The following ADGRB3 variants were observed in gnomAD, a reference collection of about 807,000 sequenced individuals.
ADGRB3 encodes adhesion G protein-coupled receptor B3, also known as brain-specific angiogenesis inhibitor 3.
A neutral mutation model predicts 193.4 loss-of-function variants in ADGRB3; 37 were observed. The ratio of observed to expected loss-of-function variants is 0.19; its 90% CI spans 0.15 to 0.25. The LOEUF (loss-of-function observed/expected upper bound fraction) is 0.25. Among genes scored for constraint, ADGRB3 ranks in the 10% least tolerant of loss-of-function variants. The pLI, the probability that ADGRB3 is intolerant of heterozygous loss-of-function variation, is 1.00. For missense variants in ADGRB3, 1,637 were observed against 1,852.9 expected, an observed-to-expected ratio of 0.88 and a Z score of 2.14; for synonymous variants, 690 against 644.2, an observed-to-expected ratio of 1.07 and a Z score of -1.08.
At chr6:69,025,083 C>G (rs1770389790) in intron 13 of ADGRB3, among the ~76,000 whole-genome samples, 1 of 127,694 alleles carries the variant, frequency 7.8e-6, no homozygotes, top group Non-Finnish European at 1.6e-5. Flanking sequence ...CAGAGCGAGA[C>G]TCCGTCTCAA....
chr6:68,940,943 T>G (rs923081902), intron 5 of ADGRB3, among the ~76,000 whole-genome samples: 2 of 152,192 alleles, frequency 1.3e-5, no homozygotes, highest in African/African-American at 4.8e-5. Context: ...CAGCTCAATC[T>G]AAATCACGAG....
intron 3 of ADGRB3, among the ~76,000 whole-genome samples, chr6:68,914,677 A>G (rs986689735): frequency 2.0e-5 from 3 of 152,228 alleles, no homozygotes; most frequent in African/African-American, 7.2e-5. Flanking sequence ...TGACAGGATC[A>G]AATTCATCTT....
intron 20 of ADGRB3, among the ~76,000 whole-genome samples, chr6:69,292,444 C>T (rs1767707653): frequency 6.6e-6 from 1 of 152,120 alleles, no homozygotes; most frequent in Admixed American, 6.5e-5. Flanking sequence ...AGTTCCTGAA[C>T]TAGATAAAGT....
At chr6:69,085,150 A>C (rs1772511048) in intron 17 of ADGRB3, among the ~76,000 whole-genome samples, 1 of 152,132 alleles carries the variant, frequency 6.6e-6, no homozygotes, top group Non-Finnish European at 1.5e-5. Flanking sequence ...AGCTCTCATC[A>C]GTGTCTCTAC....
chr6:69,168,100 T>C (rs887956689), intron 17 of ADGRB3, among the ~76,000 whole-genome samples: 13 of 152,170 alleles, frequency 8.5e-5, no homozygotes, highest in Non-Finnish European at 1.9e-4. Flanking sequence ...AAAAGAAATT[T>C]ACACATTGTT....
At chr6:68,888,660 T>TA (rs1277779312) in intron 3 of ADGRB3, among the ~76,000 whole-genome samples, 1 of 151,360 alleles carries the variant, frequency 6.6e-6, no homozygotes, top group African/African-American at 2.4e-5. Context: ...TGAGAGATAA[T>TA]AAATGCAATG....
chr6:69,263,106 T>G (rs1380430921), intron 20 of ADGRB3, among the ~76,000 whole-genome samples: 4 of 152,006 alleles, frequency 2.6e-5, no homozygotes, highest in African/African-American at 9.7e-5. Context: ...AAAGTGGCTC[T>G]CAAGAGATAT....
At chr6:69,387,592 G>GT (rs1477635601) in intron 31 of ADGRB3, among the ~76,000 whole-genome samples, 2 of 152,014 alleles carry the variant, frequency 1.3e-5, no homozygotes, top group African/African-American at 4.8e-5. Flanking sequence ...TTGGTTTTGG[G>GT]TTTTTTTATG....
rs376426069 is a variant in ADGRB3, at chr6:68,974,759, G to A, written c.1526-4G>A. On this transcript the variant is annotated splice_polypyrimidine_tract_variant and splice_region_variant and intron_variant, in intron 8 of 31. Coordinates refer to ENST00000370598, the MANE Select transcript of ADGRB3 (RefSeq NM_001704.3). Reference sequence around the variant, plus strand: ...CATTCAAGTCCCTTTGTTTAAAATTGCAGCACCTTATGAAATATGCCCTGA... The same window carrying A: ...CATTCAAGTCCCTTTGTTTAAAATTACAGCACCTTATGAAATATGCCCTGA... 122 of 1,612,906 alleles carry A rather than the reference G, an allele frequency of 7.6e-5. No individual in the cohort carries two copies. Among genetic ancestry groups the A allele is most frequent in the Non-Finnish European group, 9.8e-5 (115 of 1,179,350 alleles).
At chr6:69,100,669 G>A (rs1208922717) in intron 17 of ADGRB3, among the ~76,000 whole-genome samples, 1 of 151,666 alleles carries the variant, frequency 6.6e-6, no homozygotes, top group East Asian at 1.9e-4. Context: ...ATTGCTAGAA[G>A]TTTTTCAAAA....
At chr6:69,266,575 T>G (rs1238357749) in intron 20 of ADGRB3, among the ~76,000 whole-genome samples, 1 of 152,068 alleles carries the variant, frequency 6.6e-6, no homozygotes, top group Non-Finnish European at 1.5e-5. Context: ...TTCAATGTTA[T>G]AGTTTAGTAA....
chr6:68,801,244 T>C (rs1767304884), intron 3 of ADGRB3, among the ~76,000 whole-genome samples: 1 of 152,224 alleles, frequency 6.6e-6, no homozygotes, highest in South Asian at 2.1e-4. Context: ...TTCTCTTTCC[T>C]ACTTAGTGTC....
intron 3 of ADGRB3, among the ~76,000 whole-genome samples, chr6:68,848,338 C>T (rs1234669360): frequency 6.6e-6 from 1 of 152,024 alleles, no homozygotes; most frequent in Non-Finnish European, 1.5e-5. Flanking sequence ...ACAATAGCAA[C>T]TTCCCATCTA....
At chr6:69,236,978 G>A (rs1178316470) in intron 19 of ADGRB3, among the ~76,000 whole-genome samples, 3 of 151,878 alleles carry the variant, frequency 2.0e-5, no homozygotes, top group Non-Finnish European at 2.9e-5. Flanking sequence ...TCTACAAATA[G>A]AATTGAAATA....
chr6:68,929,190 C>T (rs1008558768), intron 3 of ADGRB3, among the ~76,000 whole-genome samples: 64 of 152,178 alleles, frequency 4.2e-4, no homozygotes, highest in African/African-American at 1.5e-3. Flanking sequence ...AGGATATTGC[C>T]GAATTCTAAG....
At position 68,975,249 on chromosome 6, in the gene ADGRB3, G is replaced by A. The variant is rs369343391; in HGVS notation, c.1643G>A (p.Arg548His). The change falls in exon 10 of 32, where the codon CGC becomes CAC. Residue 548 changes from arginine to histidine, a missense_variant. Arg to His is a conservative substitution (Grantham distance 29). Transcript: ENST00000370598. ...TGACACACAGGCACCACTAGCAGAC[G>A]CTGCTCTCTCAGTCTTCATGGAGTG... is the stretch of plus-strand genomic sequence containing the variant. ...PLNATGTTSR[R>H]CSLSLHGVAF... The A allele has an allele frequency of 2.3e-5, 37 of 1,613,866 alleles. No individual in the cohort carries two copies. The highest frequency in any genetic ancestry group is 1.7e-4 in the Middle Eastern group (1 of 6,056).
chr6:68,789,490 T>G (rs1421384882), intron 3 of ADGRB3, among the ~76,000 whole-genome samples: 2 of 152,248 alleles, frequency 1.3e-5, no homozygotes, highest in East Asian at 3.8e-4. Flanking sequence ...GTCCCCACAC[T>G]CTTCTGGCTT....
At chr6:68,965,552 G>T (rs577730749) in intron 8 of ADGRB3, among the ~76,000 whole-genome samples, 42 of 152,196 alleles carry the variant, frequency 2.8e-4, no homozygotes, top group African/African-American at 9.6e-4. Flanking sequence ...ACACAAAATT[G>T]ATTTAAGCCC....
At chr6:69,104,485 C>T (rs1051059428) in intron 17 of ADGRB3, among the ~76,000 whole-genome samples, 25 of 151,588 alleles carry the variant, frequency 1.6e-4, no homozygotes, top group Admixed American at 1.3e-3. Flanking sequence ...TGAATAATGC[C>T]GCAATGGTTC....
Sources: allele counts gnomAD v4.1 joint callset (sites outside exome capture counted in the v4.1 genomes callset), GRCh38; gene constraint gnomAD v4.1.1; transcripts MANE v1.5; gene names NCBI Gene and HGNC (gene_info 2026-07-23, HGNC 2026-07-21).